Variants in RPS6KA2 observed in about 807,000 individuals in gnomAD.
RPS6KA2 encodes ribosomal protein S6 kinase alpha-2.
A neutral mutation model predicts 91.8 loss-of-function variants in RPS6KA2; 42 were observed. The ratio of observed to expected loss-of-function variants is 0.46; its 90% CI spans 0.36 to 0.59. The LOEUF (loss-of-function observed/expected upper bound fraction) is 0.59. Among genes scored for constraint, RPS6KA2 ranks in the 20% least tolerant of loss-of-function variants. The pLI is 0.00. For synonymous variants in RPS6KA2, 414 were observed against 393.6 expected (o/e 1.05, Z -0.61); for missense variants, 798 against 978.5 (o/e 0.82, Z 2.46).
intron 2 of RPS6KA2, among the ~76,000 whole-genome samples, chr6:166,817,788 T>C (rs570541065): frequency 6.6e-6 from 1 of 152,028 alleles, no homozygotes; most frequent in Non-Finnish European, 1.5e-5. Flanking sequence ...AGTGGTGCGA[T>C]CTTGGCTCAC....
rs962078757 is a variant in RPS6KA2, at chr6:166,825,671, A to G, written c.123+32529T>C. On this transcript the variant is annotated intron_variant, in intron 2 of 21. Coordinates refer to the RPS6KA2 transcript ENST00000503859. This position sits in a 1 kb window ranked among gnomAD's most constrained non-coding sequence, Gnocchi z 4.1. ...TGAGAACCCACTTCCTAGTACATAG[A>G]CAGCAACTTCTCCCTGTGTCCCCGG... 3.9e-4 allele frequency among the ~76,000 whole-genome samples: 59 copies of G among 152,168 alleles called. No homozygotes were observed. Among genetic ancestry groups the G allele is most frequent in the African/African-American group, 1.4e-3 (57 of 41,440 alleles).
chr6:166,673,792 C>A (rs963742223), intron 2 of RPS6KA2, among the ~76,000 whole-genome samples: 3 of 152,184 alleles, frequency 2.0e-5, no homozygotes, highest in Admixed American at 1.3e-4. Context: ...CCCAGAGAAC[C>A]CAAAGATTGG....
At chr6:166,579,194 T>C (rs762370963) in intron 1 of RPS6KA2, among the ~76,000 whole-genome samples, 17 of 152,180 alleles carry the variant, frequency 1.1e-4, no homozygotes, top group Admixed American at 2.0e-4. Flanking sequence ...TAGAAAACAA[T>C]CTATAGTTGT....
At chr6:166,719,035 C>G (rs1228197364) in intron 2 of RPS6KA2, among the ~76,000 whole-genome samples, 1 of 152,238 alleles carries the variant, frequency 6.6e-6, no homozygotes, top group East Asian at 1.9e-4. Flanking sequence ...AAACTTTTCT[C>G]TACATGTACA....
chr6:166,855,474 GGAAGAAGAA>G (rs143635448), intron 2 of RPS6KA2, among the ~76,000 whole-genome samples: 105 of 127,980 alleles, frequency 8.2e-4, no homozygotes, highest in East Asian at 3.5e-3. Context: ...AAGAGGAAGA[GGAAGAAGAA>G]GAAGAGGAAG....
intron 5 of RPS6KA2, among the ~76,000 whole-genome samples, chr6:166,506,490 G>A (rs1782230265): frequency 2.0e-5 from 3 of 152,202 alleles, no homozygotes; most frequent in Admixed American, 2.0e-4. Context: ...CCAGGCTCCA[G>A]CATCTTTGGA....
At chr6:166,861,856 A>G (rs568821686) in intron 1 of RPS6KA2, among the ~76,000 whole-genome samples, 2 of 152,356 alleles carry the variant, frequency 1.3e-5, no homozygotes, top group Admixed American at 1.3e-4. Flanking sequence ...AAGGGCAACA[A>G]TTTGTTTCTT....
chr6:166,847,790 C>T lies in RPS6KA2; in HGVS notation c.123+10410G>A, dbSNP rs548513826. Among the ~76,000 whole-genome samples the T allele has an allele frequency of 3.7e-4, 56 of 152,136 alleles. 1 individual carries two copies. In the South Asian group the frequency reaches 8.7e-3, roughly 24 times the overall value. ...TGGATCAAAGACTTAAATCTAAGAA[C>T]GTGAAACAACAAAAATTCTAGAAGA... On this transcript the variant is annotated intron_variant, in intron 2 of 21. Coordinates refer to the RPS6KA2 transcript ENST00000503859.
At chr6:166,610,094 T>C (rs187378305) in intron 1 of RPS6KA2, among the ~76,000 whole-genome samples, 74 of 152,304 alleles carry the variant, frequency 4.9e-4, no homozygotes, top group Non-Finnish European at 1.0e-3. Flanking sequence ...TACAACCAAA[T>C]AGCTTGCTAG....
Position 166,726,125 on chromosome 6 carries a change from G to T in RPS6KA2, c.123+132075C>A, listed in dbSNP as rs1257097942. ...AGAAATGCCCTTAGGCTACAATATA[G>T]AAGATTTTTTTTTTTTTTTAGTTTA... On this transcript the variant is annotated intron_variant, in intron 2 of 21. Coordinates refer to the RPS6KA2 transcript ENST00000503859. The surrounding 1 kb of genome is among the most constrained non-coding windows in gnomAD (Gnocchi z 4.4). Among the ~76,000 whole-genome samples the T allele has an allele frequency of 8.1e-6, 1 of 122,926 alleles. No homozygotes were observed. The highest frequency in any genetic ancestry group is 5.0e-5 in the African/African-American group (1 of 19,932). 80.6% of individuals were successfully genotyped at this position (122,926 alleles called of 152,430 possible).
intron 1 of RPS6KA2, among the ~76,000 whole-genome samples, chr6:166,573,802 G>C (rs1334186504): frequency 6.6e-6 from 1 of 152,204 alleles, no homozygotes; most frequent in East Asian, 1.9e-4. Context: ...AAAAAAGTTA[G>C]AGATGGAACT....
At position 166,767,239 on chromosome 6, in the gene RPS6KA2, G is replaced by C. The variant is rs1272427487; in HGVS notation, c.123+90961C>G. On this transcript the variant is annotated intron_variant, in intron 2 of 21. Transcript: ENST00000503859. This position sits in a 1 kb window ranked among gnomAD's most constrained non-coding sequence, Gnocchi z 4.6. The stretch of plus-strand genomic sequence containing the variant: ...CGCCTATCACCTCCCCATGAGCAAC[G>C]CCATCAAAAAGCAAAATACAACTGC... Among the ~76,000 whole-genome samples the C allele has an allele frequency of 6.6e-6, 1 of 152,116 alleles. No individual in the cohort carries two copies. The highest frequency in any genetic ancestry group is 1.5e-5 in the Non-Finnish European group (1 of 68,032).
At chr6:166,566,678 A>C (rs542288706) in intron 1 of RPS6KA2, among the ~76,000 whole-genome samples, 4 of 152,222 alleles carry the variant, frequency 2.6e-5, no homozygotes, top group African/African-American at 9.6e-5. Flanking sequence ...AATCTCCCCA[A>C]GCCTCTTAAG....
intron 2 of RPS6KA2, among the ~76,000 whole-genome samples, chr6:166,760,949 G>A (rs1778152287): frequency 6.6e-6 from 1 of 152,212 alleles, no homozygotes; most frequent in Non-Finnish European, 1.5e-5. Flanking sequence ...CTAAATGGTG[G>A]TCATGTGAGA....
intron 2 of RPS6KA2, among the ~76,000 whole-genome samples, chr6:166,842,558 G>T (rs1479476779): frequency 6.6e-6 from 1 of 152,174 alleles, no homozygotes; most frequent in East Asian, 1.9e-4. Context: ...AAGCTGCCCG[G>T]TGCATGGAAC....
At position 166,411,232 on chromosome 6, in the gene RPS6KA2, A is replaced by AGTT. The variant is rs1491345324; in HGVS notation, c.*1527_*1529dup. ...ATTTTTTCTTTATTTTTTTTTTTTTAGTTGGGTACGAGAATCGAGATGGAG... is the reference window on the plus strand; with the variant it reads ...ATTTTTTCTTTATTTTTTTTTTTTTAGTTGTTGGGTACGAGAATCGAGATGGAG... On this transcript the variant is annotated 3_prime_UTR_variant, in exon 21 of 21. Coordinates refer to ENST00000265678, the MANE Select transcript of RPS6KA2 (RefSeq NM_021135.6). This position sits in a 1 kb window ranked among gnomAD's most constrained non-coding sequence, Gnocchi z 4.5. The AGTT allele has an allele frequency of 1.4e-5, 2 of 146,912 alleles. No individual in the cohort carries two copies. Among genetic ancestry groups the AGTT allele is most frequent in the Non-Finnish European group, 3.0e-5 (2 of 67,112 alleles). 9.1% of individuals were successfully genotyped at this position (146,912 alleles called of 1,614,324 possible). A position where few individuals can be genotyped will look rare whatever the true frequency, so the allele number is the denominator to read the frequency against.
intron 2 of RPS6KA2, among the ~76,000 whole-genome samples, chr6:166,778,741 G>A (rs1256715397): frequency 2.6e-5 from 4 of 152,170 alleles, no homozygotes; most frequent in Admixed American, 6.5e-5. Context: ...ACTCCAGCCC[G>A]GGTGACAAGA....
intron 2 of RPS6KA2, among the ~76,000 whole-genome samples, chr6:166,841,824 G>A (rs182181544): frequency 4.4e-4 from 67 of 152,348 alleles, no homozygotes; most frequent in African/African-American, 1.5e-3. Context: ...AGTGAGGCTT[G>A]TTTGGTAGAG....
At chr6:166,553,732 G>A (rs535308939) in intron 1 of RPS6KA2, among the ~76,000 whole-genome samples, 1 of 152,166 alleles carries the variant, frequency 6.6e-6, no homozygotes, top group African/African-American at 2.4e-5. Flanking sequence ...GCCAAACACA[G>A]GGCACTGCTT....
Sources: gnomAD v4.1 joint callset for allele counts (sites outside exome capture counted in the v4.1 genomes callset) on GRCh38, gnomAD v4.1.1 for gene constraint, Gnocchi (gnomAD v3.1) non-coding constraint, MANE v1.5 for transcripts, NCBI Gene and HGNC (gene_info 2026-07-23, HGNC 2026-07-21) for gene names.